Variants in GLI3 observed in about 807,000 individuals in gnomAD.
GLI3 encodes transcription activator GLI3.
Under a neutral mutation model 100.8 loss-of-function variants are expected in GLI3, and 20 were observed. That is an observed-to-expected ratio of 0.20 (90% CI 0.14 to 0.29). The LOEUF is 0.29. Ranked by LOEUF, GLI3 falls within the 10% of genes least tolerant of loss-of-function variation. The probability of loss-of-function intolerance (pLI) is 1.00; values close to 1 mark genes in which losing one functional copy is unlikely to be tolerated. For missense variants in GLI3, 2,040 were observed against 2,128.5 expected (o/e 0.96, Z 0.82); for synonymous variants, 938 against 860.5 (o/e 1.09, Z -1.58).
intron 2 of GLI3, among the ~76,000 whole-genome samples, chr7:42,157,894 T>C (rs1205548609): frequency 2.6e-5 from 4 of 152,198 alleles, no homozygotes; most frequent in Admixed American, 6.5e-5. Flanking sequence ...TGTGCACATA[T>C]TAATAACACC....
intron 1 of GLI3, among the ~76,000 whole-genome samples, chr7:42,230,183 A>T (rs1230608435): frequency 6.9e-6 from 1 of 145,564 alleles, no homozygotes; most frequent in Admixed American, 7.1e-5. Context: ...ATGTATAATT[A>T]TTTTACCTGT....
Position 42,144,461 on chromosome 7 carries a change from C to T in GLI3, c.367+3765G>A, listed in dbSNP as rs1786653396. ...TGCGACCCTTCATGAGAGAATACCC[C>T]CGTATCCCCCCGGGAGATTTTATTC... On this transcript the variant is annotated intron_variant, in intron 3 of 14. Coordinates refer to ENST00000395925, the MANE Select transcript of GLI3 (RefSeq NM_000168.6). Among the ~76,000 whole-genome samples the T allele has an allele frequency of 2.0e-5, 3 of 152,154 alleles. No homozygotes were observed. The South Asian group carries it at 6.2e-4, about 32-fold the overall frequency.
At chr7:42,077,063 G>A (rs1242470899) in intron 3 of GLI3, among the ~76,000 whole-genome samples, 3 of 152,178 alleles carry the variant, frequency 2.0e-5, no homozygotes, top group African/African-American at 7.2e-5. Flanking sequence ...ACCTACCTGA[G>A]AAGGCAGAGC....
intron 1 of GLI3, among the ~76,000 whole-genome samples, chr7:42,248,598 T>C (rs1407617221): frequency 6.6e-6 from 1 of 152,158 alleles, no homozygotes; most frequent in Non-Finnish European, 1.5e-5. Flanking sequence ...TGCTGAGTTC[T>C]TCCTTGGCAG....
At chr7:42,089,669 G>T (rs778513409) in intron 3 of GLI3, among the ~76,000 whole-genome samples, 22 of 152,110 alleles carry the variant, frequency 1.4e-4, no homozygotes, top group African/African-American at 5.1e-4. Context: ...AGCTGAAAAG[G>T]CTCCCCCATT....
At chr7:41,997,683 G>T (rs80024210) in intron 10 of GLI3, among the ~76,000 whole-genome samples, 2,184 of 152,256 alleles carry the variant, frequency 0.014, 25 homozygotes, top group Non-Finnish European at 0.021. Flanking sequence ...TTTATTTTGC[G>T]TGAGCATGGC....
intron 2 of GLI3, among the ~76,000 whole-genome samples, chr7:42,201,638 G>C (rs981101836): frequency 2.0e-5 from 3 of 152,134 alleles, no homozygotes; most frequent in Non-Finnish European, 4.4e-5. Context: ...CCAGATAGTA[G>C]AGCCTACTAC....
At chr7:42,046,063 A>G (rs1784238328) in intron 5 of GLI3, among the ~76,000 whole-genome samples, 1 of 152,262 alleles carries the variant, frequency 6.6e-6, no homozygotes, top group African/African-American at 2.4e-5. Context: ...CTACAATTTT[A>G]CATTCCATAA....
chr7:42,184,459 G>A (rs959293853), intron 2 of GLI3, among the ~76,000 whole-genome samples: 6 of 152,136 alleles, frequency 3.9e-5, no homozygotes, highest in Non-Finnish European at 7.3e-5. Context: ...CTTGTTTACC[G>A]ACTGTCTCCT....
upstream of GLI3, among the ~76,000 whole-genome samples, chr7:42,239,885 T>C (rs1788906786): frequency 6.6e-6 from 1 of 152,168 alleles, no homozygotes; most frequent in African/African-American, 2.4e-5. Context: ...TGAGTGTGGG[T>C]TAAATAATGT....
At chr7:42,039,981 A>G in intron 7 of GLI3, 57 bp downstream of exon 7, 1 of 1,323,678 alleles carries the variant, frequency 7.6e-7, no homozygotes, top group Non-Finnish European at 1.1e-6. Context: ...CTACAGGTGC[A>G]AACAAGTGCT....
intron 10 of GLI3, among the ~76,000 whole-genome samples, chr7:42,008,693 A>G (rs567925225): frequency 3.3e-5 from 5 of 152,326 alleles, no homozygotes; most frequent in African/African-American, 4.8e-5. Flanking sequence ...ATCTTTAGAA[A>G]GTGGAGTGCC....
chr7:42,093,078 T>A (rs1402325787), intron 3 of GLI3, among the ~76,000 whole-genome samples: 5 of 151,774 alleles, frequency 3.3e-5, no homozygotes, highest in African/African-American at 1.2e-4. Context: ...CCTCCCAGAG[T>A]GCTGGGATTA....
rs1405583945 is a variant in GLI3 at position 42,010,937 on chromosome 7, C to A, written c.1497+12531G>T. 2.0e-5 allele frequency among the ~76,000 whole-genome samples: 3 copies of A among 152,290 alleles called. No individual in the cohort carries two copies. The East Asian group carries it at 5.8e-4, about 29-fold the overall frequency. On this transcript the variant is annotated intron_variant, in intron 10 of 14. Coordinates refer to ENST00000395925, the MANE Select transcript of GLI3 (RefSeq NM_000168.6). ...GCAATAATGTCCAGGAAGGAGGACA[C>A]AAACCAGCTACTAAAAGAGGATTAT...
chr7:42,097,342 C>T (rs1785361726), intron 3 of GLI3, among the ~76,000 whole-genome samples: 1 of 152,242 alleles, frequency 6.6e-6, no homozygotes, highest in Non-Finnish European at 1.5e-5. Flanking sequence ...CAGTCGCTCC[C>T]CCTGGAAGAT....
chr7:42,160,066 A>G (rs1363111755), intron 2 of GLI3, among the ~76,000 whole-genome samples: 1 of 152,208 alleles, frequency 6.6e-6, no homozygotes, highest in Non-Finnish European at 1.5e-5. Context: ...TCAGGTTGTC[A>G]GCTGCCTCCT....
intron 1 of GLI3, among the ~76,000 whole-genome samples, chr7:42,249,855 G>A (rs1789013729): frequency 6.6e-6 from 1 of 152,138 alleles, no homozygotes; most frequent in Admixed American, 6.5e-5. Flanking sequence ...AGCACTTTGG[G>A]AGGCTGAGTT....
At chr7:42,170,442 G>A (rs528537960) in intron 2 of GLI3, among the ~76,000 whole-genome samples, 2 of 115,546 alleles carry the variant, frequency 1.7e-5, no homozygotes, top group African/African-American at 3.4e-5. Context: ...TCGCTCTGTC[G>A]CCCAGATTGG....
chr7:42,084,092 T>C (rs2128753982), intron 3 of GLI3, among the ~76,000 whole-genome samples: 1 of 152,354 alleles, frequency 6.6e-6, no homozygotes, highest in South Asian at 2.1e-4. Flanking sequence ...TCTCCACTAC[T>C]CAAATAACAA....
Sources: gnomAD v4.1 joint callset for allele counts (sites outside exome capture counted in the v4.1 genomes callset) on GRCh38, gnomAD v4.1.1 for gene constraint, MANE v1.5 for transcripts, NCBI Gene and HGNC (gene_info 2026-07-23, HGNC 2026-07-21) for gene names.